CACHD1: variants seen among roughly 807,000 people sequenced by gnomAD.
CACHD1 encodes cache domain containing 1, also known as VWFA and cache domain-containing protein 1.
A neutral mutation model predicts 138.7 loss-of-function variants in CACHD1; 71 were observed. The ratio of observed to expected loss-of-function variants is 0.51; its 90% CI spans 0.42 to 0.62. The LOEUF (loss-of-function observed/expected upper bound fraction) is 0.62. Among genes scored for constraint, CACHD1 ranks in the 20% least tolerant of loss-of-function variants. CACHD1 has a pLI of 0.00. For missense variants in CACHD1, 1,389 were observed against 1,625.3 expected (o/e 0.85, Z 2.50); for synonymous variants, 578 against 591.5 (o/e 0.98, Z 0.33).
At chr1:64,682,456 G>A (rs1046233714) in intron 26 of CACHD1, among the ~76,000 whole-genome samples, 2 of 152,124 alleles carry the variant, frequency 1.3e-5, no homozygotes, top group African/African-American at 4.8e-5. Flanking sequence ...CTTGGGGCAT[G>A]ACAAGAATCT....
intron 2 of CACHD1, among the ~76,000 whole-genome samples, chr1:64,562,904 C>T (rs567032906): frequency 6.6e-6 from 1 of 152,176 alleles, no homozygotes; most frequent in East Asian, 1.9e-4. Flanking sequence ...GAGAATTGGT[C>T]ACACTGCTTT....
At chr1:64,478,118 A>AT (rs1476370861) in intron 1 of CACHD1, among the ~76,000 whole-genome samples, 1 of 152,166 alleles carries the variant, frequency 6.6e-6, no homozygotes, top group African/African-American at 2.4e-5. Flanking sequence ...TTTAGGCTAC[A>AT]TTTTTTAACA....
At chr1:64,646,819 A>G (rs1648920463) in intron 8 of CACHD1, among the ~76,000 whole-genome samples, 1 of 152,196 alleles carries the variant, frequency 6.6e-6, no homozygotes, top group African/African-American at 2.4e-5. Context: ...ACAAGTATGT[A>G]CACTCTCTAT....
chr1:64,485,067 A>T (rs1570296067), intron 1 of CACHD1, among the ~76,000 whole-genome samples: 1 of 152,326 alleles, frequency 6.6e-6, no homozygotes, highest in East Asian at 1.9e-4. Context: ...TAGTGGGTGT[A>T]CCATTTTACT....
At chr1:64,588,154 C>T (rs1647065339) in intron 3 of CACHD1, among the ~76,000 whole-genome samples, 1 of 152,094 alleles carries the variant, frequency 6.6e-6, no homozygotes, top group Non-Finnish European at 1.5e-5. Flanking sequence ...TTTGCAATTC[C>T]TGACCTTAAA....
At chr1:64,613,344 T>C (rs1378185928) in intron 4 of CACHD1, 1 of 150,044 alleles carries the variant, frequency 6.7e-6, no homozygotes, top group Non-Finnish European at 1.5e-5. Context: ...TATAGTGTAG[T>C]GTAGTGTAAA....
intron 1 of CACHD1, among the ~76,000 whole-genome samples, chr1:64,509,429 G>A (rs1646402040): frequency 6.6e-6 from 1 of 152,120 alleles, no homozygotes; most frequent in Admixed American, 6.5e-5. Context: ...CCTTTCTTTG[G>A]CTTCAGCCAC....
intron 12 of CACHD1, 41 bp from the exon 13 acceptor site, chr1:64,658,664 C>T: frequency 6.6e-7 from 1 of 1,519,268 alleles, no homozygotes; most frequent in Non-Finnish European, 9.0e-7. Flanking sequence ...CCCATGGAAC[C>T]CTCATTTTCT....
At chr1:64,683,056 A>C (rs1441801698) in intron 26 of CACHD1, among the ~76,000 whole-genome samples, 5 of 152,118 alleles carry the variant, frequency 3.3e-5, no homozygotes, top group Non-Finnish European at 7.4e-5. Context: ...CAAACCTTGT[A>C]TTCCCTGTAT....
At chr1:64,515,118 GA>G (rs1646449443) in intron 1 of CACHD1, among the ~76,000 whole-genome samples, 1 of 152,148 alleles carries the variant, frequency 6.6e-6, no homozygotes, top group African/African-American at 2.4e-5. Context: ...TTATGGCATA[GA>G]AAAGTGAAAA....
At chr1:64,685,428 C>T (rs891615345) in intron 26 of CACHD1, among the ~76,000 whole-genome samples, 3 of 152,014 alleles carry the variant, frequency 2.0e-5, no homozygotes, top group African/African-American at 7.2e-5. Flanking sequence ...ATGACTGTAC[C>T]CTTGTACACT....
At chr1:64,504,055 G>T (rs916936894) in intron 1 of CACHD1, among the ~76,000 whole-genome samples, 7 of 152,092 alleles carry the variant, frequency 4.6e-5, no homozygotes, top group Admixed American at 6.5e-5. Flanking sequence ...TTGAGACAGG[G>T]TCTCACTCTG....
At chr1:64,531,402 A>T (rs1211950252) in intron 1 of CACHD1, among the ~76,000 whole-genome samples, 3 of 152,214 alleles carry the variant, frequency 2.0e-5, no homozygotes, top group African/African-American at 4.8e-5. Context: ...CCCAGCAAAC[A>T]TCTAATTTAA....
chr1:64,594,725 G>A, intron 3 of CACHD1, among the ~76,000 whole-genome samples: 1 of 152,204 alleles, frequency 6.6e-6, no homozygotes, highest in East Asian at 1.9e-4. Context: ...AGATGGTTTT[G>A]TGATTTTTCT....
chr1:64,506,207 T>G (rs1646375415), intron 1 of CACHD1: 1 of 152,172 alleles, frequency 6.6e-6, no homozygotes, highest in Non-Finnish European at 1.5e-5. Context: ...CTGCCACACA[T>G]TCATTGAACT....
intron 26 of CACHD1, among the ~76,000 whole-genome samples, chr1:64,684,717 A>G (rs1394094580): frequency 3.9e-5 from 6 of 152,210 alleles, no homozygotes; most frequent in Non-Finnish European, 1.5e-5. Context: ...TTCACTCACC[A>G]GTCACTCACT....
chr1:64,680,524 A>T (rs1416233945), intron 24 of CACHD1, among the ~76,000 whole-genome samples: 1 of 152,030 alleles, frequency 6.6e-6, no homozygotes, highest in Admixed American at 6.6e-5. Flanking sequence ...GTACAAAATG[A>T]TTCACCTATA....
intron 22 of CACHD1, among the ~76,000 whole-genome samples, 197 bp from the exon 23 acceptor site, chr1:64,677,962 T>A (rs1207028387): frequency 6.6e-6 from 1 of 152,162 alleles, no homozygotes; most frequent in African/African-American, 2.4e-5. Context: ...CTTTCCAAGT[T>A]GTTAAGAGGC....
At chr1:64,602,106 T>C (rs1014356130) in intron 3 of CACHD1, among the ~76,000 whole-genome samples, 5 of 152,246 alleles carry the variant, frequency 3.3e-5, no homozygotes, top group African/African-American at 1.2e-4. Context: ...AATAGCATTG[T>C]TCTAGCTCTA....
Sources: allele counts gnomAD v4.1 joint callset (sites outside exome capture counted in the v4.1 genomes callset), GRCh38; gene constraint gnomAD v4.1.1; transcripts MANE v1.5; gene names NCBI Gene and HGNC (gene_info 2026-07-23, HGNC 2026-07-21).